Variants in TEAD3 observed in about 807,000 individuals in gnomAD.
TEAD3 encodes transcriptional enhancer factor TEF-5.
A neutral mutation model predicts 55.6 loss-of-function variants in TEAD3; 15 were observed. The ratio of observed to expected loss-of-function variants is 0.27; its 90% CI spans 0.18 to 0.42. TEAD3 has a LOEUF of 0.42. Ranked by LOEUF, TEAD3 falls within the 10% of genes least tolerant of loss-of-function variation. The pLI is 1.00. For missense variants in TEAD3, 407 were observed against 576.8 expected (o/e 0.71, Z 3.01); for synonymous variants, 210 against 232.2 (o/e 0.90, Z 0.87).
At chr6:35,490,960 G>C (rs998577308) in intron 1 of TEAD3, among the ~76,000 whole-genome samples, 2 of 151,964 alleles carry the variant, frequency 1.3e-5, no homozygotes, top group African/African-American at 4.8e-5. Context: ...GGGTAGGAGA[G>C]AGAGGAGACC....
chr6:35,492,056 C>T (rs1768533003), intron 1 of TEAD3, among the ~76,000 whole-genome samples: 1 of 152,218 alleles, frequency 6.6e-6, no homozygotes, highest in South Asian at 2.1e-4. Context: ...TACCCCTTCC[C>T]CTGCACCAGC....
intron 8 of TEAD3, 140 bp from the exon 9 acceptor site, chr6:35,476,575 A>T (rs1374817630): frequency 7.2e-6 from 2 of 277,352 alleles, no homozygotes; most frequent in Non-Finnish European, 1.4e-5. Flanking sequence ...GTCCTTGTAC[A>T]GTGTACAACC....
intron 3 of TEAD3, among the ~76,000 whole-genome samples, chr6:35,481,161 A>T (rs1360901178): frequency 2.6e-5 from 4 of 151,934 alleles, no homozygotes; most frequent in African/African-American, 9.7e-5. Context: ...ATTCTTCTCT[A>T]GCCATCTCCT....
chr6:35,493,773 G>A (rs1448813915), intron 1 of TEAD3, among the ~76,000 whole-genome samples: 2 of 152,194 alleles, frequency 1.3e-5, no homozygotes, highest in East Asian at 1.9e-4. Flanking sequence ...ACGCACACGC[G>A]CCCGCGCGCT....
chr6:35,475,002 G>A lies in TEAD3; in HGVS notation c.*42C>T, dbSNP rs368306512. On this transcript the variant is annotated 3_prime_UTR_variant, in exon 13 of 13. Transcript: ENST00000639578. The surrounding 1 kb of genome is among the most constrained non-coding windows in gnomAD (Gnocchi z 5.4). ...AGGGGTGCCAGGCAGGTGTGGAGAG[G>A]AGATGCTCACCCTGCATCCTTAAGG... 3.4e-5 allele frequency: 50 copies of A among 1,454,322 alleles called. No individual in the cohort carries two copies. In the African/African-American group the frequency reaches 6.8e-4, roughly 20 times the overall value. 90.1% of individuals were successfully genotyped at this position (1,454,322 alleles called of 1,614,324 possible). A position where few individuals can be genotyped will look rare whatever the true frequency, so the allele number is the denominator to read the frequency against.
rs1369671753 is a variant in TEAD3, at chr6:35,496,554, G to A, written c.-50+344C>T. 6.6e-6 allele frequency among the ~76,000 whole-genome samples: 1 copy of A among 152,006 alleles called. No homozygotes were observed. The highest frequency in any genetic ancestry group is 1.5e-5 in the Non-Finnish European group (1 of 67,976). ...GATATGAGCTCCAGGGTGGCAGGCA[G>A]GCCCTCCACACTGTGCGGCCCCCGG... is the stretch of plus-strand genomic sequence containing the variant. On this transcript the variant is annotated intron_variant, in intron 1 of 12. Coordinates refer to ENST00000639578, the Ensembl canonical transcript of TEAD3. The surrounding 1 kb of genome is among the most constrained non-coding windows in gnomAD (Gnocchi z 4.8).
Position 35,486,731 on chromosome 6 carries a change from G to A in TEAD3, c.-49-20C>T. 6.5e-7 allele frequency: 1 copy of A among 1,537,042 alleles called. No individual in the cohort carries two copies. Among genetic ancestry groups the A allele is most frequent in the Non-Finnish European group, 8.9e-7 (1 of 1,125,336 alleles). On this transcript the variant is annotated intron_variant, in intron 1 of 12. Transcript: ENST00000639578. The surrounding 1 kb of genome is among the most constrained non-coding windows in gnomAD (Gnocchi z 7.3). Reference sequence around the variant, plus strand: ...CTGAGCCTGGGGGACAGACAGACAGGAACTGGGACCAGGGTCCTCCTCGAC... The same window carrying A: ...CTGAGCCTGGGGGACAGACAGACAGAAACTGGGACCAGGGTCCTCCTCGAC...
chr6:35,476,313 C>T (rs981501105), exon 9 of TEAD3: 11 of 1,612,012 alleles, frequency 6.8e-6, no homozygotes, highest in Non-Finnish European at 2.5e-6. Context: ...GTGTCAGGGT[C>T]TCGCTGCACC....
chr6:35,474,819 A>C, downstream of TEAD3: 1 of 519,180 alleles, frequency 1.9e-6, no homozygotes, highest in Non-Finnish European at 3.4e-6. Flanking sequence ...CGCCCCGGAC[A>C]GGCTGCCCCA....
chr6:35,491,535 C>T lies in TEAD3; in HGVS notation c.-49-4824G>A, dbSNP rs1768519624. ...GGCTGGCCACCATCCAGGACACCCCCACTCCCATCTCAGGGGCTCCTACCC... is the reference window on the plus strand; with the variant it reads ...GGCTGGCCACCATCCAGGACACCCCTACTCCCATCTCAGGGGCTCCTACCC... On this transcript the variant is annotated intron_variant, in intron 1 of 12. Transcript: ENST00000639578. The surrounding 1 kb of genome is among the most constrained non-coding windows in gnomAD (Gnocchi z 4.4). 6.6e-6 allele frequency among the ~76,000 whole-genome samples: 1 copy of T among 152,142 alleles called. No homozygotes were observed. The highest frequency in any genetic ancestry group is 1.5e-5 in the Non-Finnish European group (1 of 68,008).
intron 8 of TEAD3, 131 bp from the exon 9 acceptor site, chr6:35,476,566 T>C: frequency 9.0e-7 from 1 of 1,110,184 alleles, no homozygotes. Context: ...CTACTATGTG[T>C]CCTTGTACAG....
chr6:35,474,729 G>T (rs556074119), downstream of TEAD3: 230 of 303,128 alleles, frequency 7.6e-4, no homozygotes, highest in African/African-American at 4.9e-3. Flanking sequence ...GGCCACACAT[G>T]CTGGAGGCTG....
rs545678620 is a variant in TEAD3 at position 35,485,605 on chromosome 6, T to C, written c.202+856A>G. Among the ~76,000 whole-genome samples, 13 of 152,172 alleles carry C rather than the reference T, an allele frequency of 8.5e-5. No individual in the cohort carries two copies. The highest frequency in any genetic ancestry group is 3.1e-4 in the African/African-American group (13 of 41,544). ...TCCACCCCACTCTCTCCACCCTGTCTAAAAATACCCTGTGGGGCTCCCCAG... is the reference window on the plus strand; with the variant it reads ...TCCACCCCACTCTCTCCACCCTGTCCAAAAATACCCTGTGGGGCTCCCCAG... On this transcript the variant is annotated intron_variant, in intron 2 of 12. Coordinates refer to ENST00000639578, the Ensembl canonical transcript of TEAD3. This position sits in a 1 kb window ranked among gnomAD's most constrained non-coding sequence, Gnocchi z 4.3.
downstream of TEAD3, chr6:35,473,891 C>T (rs937369795): frequency 3.3e-5 from 5 of 152,432 alleles, no homozygotes; most frequent in East Asian, 1.9e-4. Context: ...CATAAATACC[C>T]ACAGGTGGCT....
chr6:35,492,829 T>A (rs896550858), intron 1 of TEAD3, among the ~76,000 whole-genome samples: 2 of 152,122 alleles, frequency 1.3e-5, no homozygotes, highest in African/African-American at 4.8e-5. Context: ...TCAAGTCCCC[T>A]GTAGAGAGAA....
rs1353311854 is a variant in TEAD3 at position 35,488,593 on chromosome 6, ACT to A, written c.-49-1884_-49-1883del. Among the ~76,000 whole-genome samples, 1 of 151,340 alleles carries A rather than the reference ACT, an allele frequency of 6.6e-6. No individual in the cohort carries two copies. Among genetic ancestry groups the A allele is most frequent in the East Asian group, 1.9e-4 (1 of 5,164 alleles). On this transcript the variant is annotated intron_variant, in intron 1 of 12. Transcript: ENST00000639578. This position sits in a 1 kb window ranked among gnomAD's most constrained non-coding sequence, Gnocchi z 4.2. ...GGTCCTGCTGCTTGAGTCGGGGTGG[ACT>A]CTCTCTGCAGAGCCACCTGTTTGCT...
rs1768330195 is a variant in TEAD3 at position 35,484,487 on chromosome 6, G to A, written c.267+73C>T. Reference sequence around the variant, plus strand: ...CAGCCTCGAGGAGGTGGGCAGGGTAGGGGCAAGGGGTTGACCGGGGCAGCT... The same window carrying A: ...CAGCCTCGAGGAGGTGGGCAGGGTAAGGGCAAGGGGTTGACCGGGGCAGCT... On this transcript the variant is annotated intron_variant, in intron 3 of 12. Coordinates refer to ENST00000639578, the Ensembl canonical transcript of TEAD3. The surrounding 1 kb of genome is among the most constrained non-coding windows in gnomAD (Gnocchi z 5.8). 1 of 1,468,010 alleles carries A rather than the reference G, an allele frequency of 6.8e-7. No homozygotes were observed. Among genetic ancestry groups the A allele is most frequent in the African/African-American group, 1.4e-5 (1 of 71,310 alleles). 90.9% of individuals were successfully genotyped at this position (1,468,010 alleles called of 1,614,324 possible).
chr6:35,477,333 C>T (rs1325637618), exon 8 of TEAD3: 8 of 1,606,326 alleles, frequency 5.0e-6, no homozygotes, highest in Admixed American at 1.7e-5. Flanking sequence ...GCGGCAGGGG[C>T]GGCTGGATGG....
At chr6:35,474,802 GGGTCAGCGCCCCGGACA>G (rs1429739675), downstream of TEAD3, 39 of 492,050 alleles carry the variant, frequency 7.9e-5, 1 homozygote, top group Non-Finnish European at 5.4e-5. Flanking sequence ...GGGTGATGGT[GGGTCAGCGCCCCGGACA>G]GGCTGCCCCA....
Sources: allele counts gnomAD v4.1 joint callset (sites outside exome capture counted in the v4.1 genomes callset), GRCh38; gene constraint gnomAD v4.1.1; non-coding constraint Gnocchi (gnomAD v3.1); transcripts MANE v1.5; gene names NCBI Gene and HGNC (gene_info 2026-07-23, HGNC 2026-07-21).